TUBGCP5: variants seen among roughly 807,000 people sequenced by gnomAD.
TUBGCP5 encodes tubulin gamma complex component 5.
In TUBGCP5, 98 loss-of-function variants were observed where a neutral mutation model predicts 134.7. That is an observed-to-expected ratio of 0.73 (90% CI 0.62 to 0.86). The LOEUF is 0.86. Among genes scored for constraint, TUBGCP5 ranks in the 40% least tolerant of loss-of-function variants. The probability of loss-of-function intolerance (pLI) is 0.00; values close to 1 mark genes in which losing one functional copy is unlikely to be tolerated. For synonymous variants in TUBGCP5, 456 were observed against 431.4 expected, an observed-to-expected ratio of 1.06 and a Z score of -0.71; for missense variants, 1,150 against 1,244.8, an observed-to-expected ratio of 0.92 and a Z score of 1.15.
intron 6 of TUBGCP5, among the ~76,000 whole-genome samples, chr15:23,029,165 A>G (rs757626012): frequency 6.6e-6 from 1 of 152,188 alleles, no homozygotes; most frequent in Non-Finnish European, 1.5e-5. Flanking sequence ...AGCCTCCCCA[A>G]ATTAGATCTA....
chr15:23,017,068 G>C (rs1470778727), intron 13 of TUBGCP5, among the ~76,000 whole-genome samples: 7 of 150,348 alleles, frequency 4.7e-5, no homozygotes, highest in South Asian at 2.1e-4. Context: ...AGTGAAATAA[G>C]CCAGGAACAG....
rs199735590 is a variant in TUBGCP5 at position 23,019,274 on chromosome 15, C to T, written c.1432G>A (p.Glu478Lys). The T allele has an allele frequency of 4.3e-5, 70 of 1,614,102 alleles. No homozygotes were observed. The highest frequency in any genetic ancestry group is 7.7e-5 in the South Asian group (7 of 91,050). The stretch of plus-strand genomic sequence containing the variant: ...CACAGGTGCCCGTGCACGATCCACT[C>T]GTCCACCGTCTGCAGGTAAGGCCGC... ...TVRPYLQTVD[E>K]WIVHGHLWDG... The change falls in exon 12 of 23, where the codon GAG (glutamate) becomes AAG (lysine). Residue 478 changes from glutamate (E) to lysine (K), a missense_variant. Transcript: ENST00000615383.
At chr15:23,032,868 T>G in intron 3 of TUBGCP5, 44 bp from the exon 4 acceptor site, 3 of 1,398,124 alleles carry the variant, frequency 2.1e-6, no homozygotes, top group Non-Finnish European at 2.9e-6. Context: ...GGTTGGGAAA[T>G]GCTTTCTACA....
intron 13 of TUBGCP5, among the ~76,000 whole-genome samples, chr15:23,014,627 C>T (rs1309768041): frequency 6.6e-6 from 1 of 152,194 alleles, no homozygotes; most frequent in African/African-American, 2.4e-5. Flanking sequence ...GGCCAACAAG[C>T]CATGTGACCA....
At chr15:23,009,907 A>T in intron 15 of TUBGCP5, 38 bp downstream of exon 15, 2 of 1,571,974 alleles carry the variant, frequency 1.3e-6, no homozygotes, top group Non-Finnish European at 1.7e-6. Flanking sequence ...AAGTACAATC[A>T]ACTATTTACT....
At chr15:22,995,343 C>G (rs7168441), downstream of TUBGCP5, among the ~76,000 whole-genome samples, 2 of 151,628 alleles carry the variant, frequency 1.3e-5, no homozygotes, top group African/African-American at 4.8e-5. Context: ...ATTATAAAAA[C>G]AGAAGTGACC....
intron 6 of TUBGCP5, among the ~76,000 whole-genome samples, chr15:23,029,431 G>C (rs535467081): frequency 8.7e-4 from 133 of 152,134 alleles, no homozygotes; most frequent in African/African-American, 3.1e-3. Context: ...ATGTTGGTCA[G>C]GCTGGTCTTG....
At chr15:23,001,161 G>C (rs898666396) in intron 21 of TUBGCP5, among the ~76,000 whole-genome samples, 7 of 152,002 alleles carry the variant, frequency 4.6e-5, no homozygotes, top group African/African-American at 1.2e-4. Flanking sequence ...TCCTGCCTCA[G>C]CCTCCTGAGT....
At chr15:23,022,211 C>T in intron 10 of TUBGCP5, 50 bp from the exon 11 acceptor site, 1 of 1,577,124 alleles carries the variant, frequency 6.3e-7, no homozygotes, top group East Asian at 2.2e-5. Context: ...ATACATGCAT[C>T]TAAAATGTGA....
At chr15:22,989,126 T>C (rs1057148064) in intron 23 of TUBGCP5, among the ~76,000 whole-genome samples, 2 of 152,130 alleles carry the variant, frequency 1.3e-5, no homozygotes, top group East Asian at 3.9e-4. Context: ...GGGTAACGTC[T>C]CTATCTCAAG....
At chr15:23,006,487 C>G in intron 16 of TUBGCP5, 135 bp from the exon 17 acceptor site, 1 of 671,660 alleles carries the variant, frequency 1.5e-6, no homozygotes, top group Non-Finnish European at 2.5e-6. Context: ...TGCAAACATT[C>G]CAACAAATGT....
chr15:22,993,695 C>G (rs2063940496), intron 23 of TUBGCP5, among the ~76,000 whole-genome samples: 1 of 151,810 alleles, frequency 6.6e-6, no homozygotes, highest in South Asian at 2.1e-4. Flanking sequence ...CAGGTATGCA[C>G]CACCATGCCC....
intron 13 of TUBGCP5, among the ~76,000 whole-genome samples, chr15:23,015,272 G>T (rs142635728): frequency 0.026 from 3,922 of 151,892 alleles, 164 homozygotes; most frequent in African/African-American, 0.091. Context: ...TTTGGGTAGA[G>T]ACAGGGTTTC....
Position 23,004,094 on chromosome 15 carries a change from T to G in TUBGCP5, c.2838+8A>C. 6.2e-7 allele frequency: 1 copy of G among 1,605,698 alleles called. No homozygotes were observed. ...AGTGGCCACATCTGCAGGAGACATC[T>G]CATGTACCTTTTCTCTCAGCAGACA... On this transcript the variant is annotated splice_region_variant and intron_variant, in intron 20 of 22. Transcript: ENST00000615383.
At chr15:23,000,447 T>C in intron 22 of TUBGCP5, 122 bp downstream of exon 22, 1 of 1,487,604 alleles carries the variant, frequency 6.7e-7, no homozygotes, top group East Asian at 2.3e-5. Context: ...GCTAAGGGAC[T>C]TTTCAGTTTT....
At chr15:23,003,000 TA>T (rs1019884023) in intron 21 of TUBGCP5, 64 bp downstream of exon 21, 90 of 1,526,578 alleles carry the variant, frequency 5.9e-5, no homozygotes, top group African/African-American at 9.6e-5. Flanking sequence ...ACCCTGTCTC[TA>T]AAAAAAAGGG....
intron 1 of TUBGCP5, among the ~76,000 whole-genome samples, chr15:23,037,384 T>C (rs1290677287): frequency 6.6e-6 from 1 of 152,118 alleles, no homozygotes; most frequent in Non-Finnish European, 1.5e-5. Context: ...CTCCCAACCT[T>C]GTCCTCTGGC....
chr15:23,006,326 T>A lies in TUBGCP5; in HGVS notation c.2354A>T (p.Asp785Val). 12 of 1,607,270 alleles carry A rather than the reference T, an allele frequency of 7.5e-6. No individual in the cohort carries two copies. Among genetic ancestry groups the A allele is most frequent in the Non-Finnish European group, 1.0e-5 (12 of 1,178,630 alleles). ...SRLSISFENV[D>V]TAKKKLPVHI... ...AACAGGCAGCTTCTTCTTAGCTGTG[T>A]CAACATTTTCAAAAGATATAGATAG... is the stretch of plus-strand genomic sequence containing the variant. Residue 785 changes from aspartate (D) to valine (V), a missense_variant, in exon 17 of 23, where the codon GAC (aspartate) becomes GTC (valine). This residue lies in a region of TUBGCP5 where 697 missense variants were observed against 850.1 expected (regional missense o/e 0.82). Coordinates refer to ENST00000615383, the MANE Select transcript of TUBGCP5 (RefSeq NM_052903.6).
Position 22,999,668 on chromosome 15 carries a change from T to G in TUBGCP5, c.*152A>C, listed in dbSNP as rs1383280689. 1 of 796,824 alleles carries G rather than the reference T, an allele frequency of 1.3e-6. No homozygotes were observed. Among genetic ancestry groups the G allele is most frequent in the African/African-American group, 1.7e-5 (1 of 58,062 alleles). The allele number at this position is 796,824 out of a possible 1,614,324, so 49.4% of individuals were successfully genotyped here. On this transcript the variant is annotated 3_prime_UTR_variant, in exon 23 of 23. Coordinates refer to ENST00000615383, the MANE Select transcript of TUBGCP5 (RefSeq NM_052903.6). The stretch of plus-strand genomic sequence containing the variant: ...TGCCTGTCTTGGCCTCCCATCGTGC[T>G]GGGATTAGAGGCATGAGCGACTGTG...
Sources: allele counts gnomAD v4.1 joint callset (sites outside exome capture counted in the v4.1 genomes callset), GRCh38; gene constraint gnomAD v4.1.1; regional missense constraint gnomAD v4.1.1; transcripts MANE v1.5; gene names NCBI Gene and HGNC (gene_info 2026-07-23, HGNC 2026-07-21).